The following TXNL4A variants were observed in gnomAD, a reference collection of about 807,000 sequenced individuals.
TXNL4A encodes thioredoxin-like protein 4A.
In TXNL4A, 17 loss-of-function variants were observed where a neutral mutation model predicts 14.6. The ratio of observed to expected loss-of-function variants is 1.16; its 90% CI spans 0.80 to 1.74. The LOEUF (loss-of-function observed/expected upper bound fraction) is 1.74, where lower values mean the gene tolerates loss of function less well. TXNL4A is among the 40% of genes most tolerant of loss of function. The probability of loss-of-function intolerance (pLI) is 0.00; values close to 1 mark genes in which losing one functional copy is unlikely to be tolerated. For missense variants in TXNL4A, 74 were observed against 195.2 expected, an observed-to-expected ratio of 0.38 and a Z score of 3.70; for synonymous variants, 83 against 70.6, an observed-to-expected ratio of 1.18 and a Z score of -0.88.
intron 1 of TXNL4A, among the ~76,000 whole-genome samples, chr18:80,007,002 G>C (rs1165014401): frequency 6.6e-6 from 1 of 152,196 alleles, no homozygotes; most frequent in Non-Finnish European, 1.5e-5. Context: ...CCTCCATGTT[G>C]AACATACTTG....
intron 2 of TXNL4A, chr18:79,977,255 C>G: frequency 3.0e-6 from 1 of 337,898 alleles, no homozygotes; most frequent in Non-Finnish European, 5.4e-6. Context: ...CCACTGTGCC[C>G]GGCCTAAATT....
intron 1 of TXNL4A, among the ~76,000 whole-genome samples, chr18:80,016,623 C>T (rs1284018127): frequency 3.3e-5 from 5 of 152,178 alleles, no homozygotes; most frequent in African/African-American, 1.2e-4. Flanking sequence ...ATAGGGAATC[C>T]TTTCCACATT....
chr18:80,014,611 T>C (rs2051794223), intron 1 of TXNL4A, among the ~76,000 whole-genome samples: 1 of 152,222 alleles, frequency 6.6e-6, no homozygotes, highest in African/African-American at 2.4e-5. Context: ...GCTGCTTTCA[T>C]GGGCTGGCGT....
In TXNL4A at chr18:79,971,717, G is replaced by C. The variant is rs981782706; in HGVS notation, c.*1968C>G. 1 of 152,196 alleles carries C rather than the reference G, an allele frequency of 6.6e-6. No individual in the cohort carries two copies. Among genetic ancestry groups the C allele is most frequent in the African/African-American group, 2.4e-5 (1 of 41,452 alleles). 9.4% of individuals were successfully genotyped at this position (152,196 alleles called of 1,614,324 possible). The stretch of plus-strand genomic sequence containing the variant: ...AGGGCTCCAATTTCTCCACATCCTT[G>C]CAAACGCTTGTTGCGATCTTTTTGT... On this transcript the variant is annotated 3_prime_UTR_variant, in exon 3 of 3. Coordinates refer to ENST00000269601, the MANE Select transcript of TXNL4A (RefSeq NM_006701.5).
At chr18:80,015,355 A>AATTATTATTATTATTATTATT (rs60860228) in intron 1 of TXNL4A, among the ~76,000 whole-genome samples, 175 of 148,478 alleles carry the variant, frequency 1.2e-3, no homozygotes, top group African/African-American at 4.1e-3. Flanking sequence ...TTTTTTAAAA[A>AATTATTATTATTATTATTATT]ATTATTATTA....
Position 79,973,473 on chromosome 18 carries a change from C to G in TXNL4A, c.*212G>C. The G allele has an allele frequency of 2.0e-6, 1 of 496,984 alleles. No individual in the cohort carries two copies. The highest frequency in any genetic ancestry group is 3.4e-6 in the Non-Finnish European group (1 of 294,612). The allele number at this position is 496,984 out of a possible 1,614,324, so 30.8% of individuals were successfully genotyped here. A position where few individuals can be genotyped will look rare whatever the true frequency, so the allele number is the denominator to read the frequency against. ...AACTTTGACTAGGAAAATCAGTAAT[C>G]TATTCATTAAGTTTCCTGAGAACAA... On this transcript the variant is annotated 3_prime_UTR_variant, in exon 3 of 3. Transcript: ENST00000269601.
upstream of TXNL4A, among the ~76,000 whole-genome samples, chr18:79,993,524 T>G (rs965678578): frequency 6.6e-6 from 1 of 152,190 alleles, no homozygotes; most frequent in Non-Finnish European, 1.5e-5. The surrounding 1 kb of genome is among the most constrained non-coding windows in gnomAD (Gnocchi z 4.4). Context: ...TAATTTCTGC[T>G]TACACTTGAG....
chr18:79,986,377 A>C (rs1345941522), intron 1 of TXNL4A, among the ~76,000 whole-genome samples: 1 of 152,196 alleles, frequency 6.6e-6, no homozygotes, highest in African/African-American at 2.4e-5. Context: ...ATTCGCATTA[A>C]AAGTTTATTA....
chr18:80,025,705 G>T (rs746240844), intron 1 of TXNL4A, among the ~76,000 whole-genome samples: 2 of 152,212 alleles, frequency 1.3e-5, no homozygotes, highest in African/African-American at 2.4e-5. Context: ...TTTGAGCTCA[G>T]TATCAGAACC....
At position 79,995,831 on chromosome 18, in the gene TXNL4A, G is replaced by A. The variant is rs190598750; in HGVS notation, c.-60-18130C>T. Among the ~76,000 whole-genome samples, 29 of 152,236 alleles carry A rather than the reference G, an allele frequency of 1.9e-4. No individual in the cohort carries two copies. The East Asian group carries it at 1.9e-3, about 10-fold the overall frequency. ...AAAGACCAGGACAACGGCCGGGCGC[G>A]GTGGCTCACGCCTGTAATCCCAGAA... On this transcript the variant is annotated intron_variant, in intron 1 of 2. Transcript: ENST00000585474.
upstream of TXNL4A, among the ~76,000 whole-genome samples, chr18:79,989,771 G>A (rs2145093206): frequency 6.6e-6 from 1 of 152,186 alleles, no homozygotes; most frequent in South Asian, 2.1e-4. Flanking sequence ...GAGGCCGGCG[G>A]ATCGCCTATG....
At chr18:79,988,924 CT>C (rs943343158), upstream of TXNL4A, among the ~76,000 whole-genome samples, 9 of 152,312 alleles carry the variant, frequency 5.9e-5, no homozygotes, top group African/African-American at 1.9e-4. Context: ...CTTTCTGGTG[CT>C]TGTTTCTGTG....
intron 1 of TXNL4A, among the ~76,000 whole-genome samples, chr18:79,998,992 G>C (rs1479540738): frequency 1.3e-5 from 2 of 152,080 alleles, no homozygotes; most frequent in African/African-American, 4.8e-5. Context: ...TTTGGAGCAG[G>C]ATATGCTGTG....
intron 1 of TXNL4A, among the ~76,000 whole-genome samples, chr18:80,027,471 G>A (rs1225381802): frequency 4.6e-5 from 7 of 152,150 alleles, no homozygotes; most frequent in Non-Finnish European, 1.0e-4. Context: ...CTCAGTTGCA[G>A]ATCTCTGCAG....
chr18:80,014,673 G>C (rs1225493038), intron 1 of TXNL4A, among the ~76,000 whole-genome samples: 1 of 152,142 alleles, frequency 6.6e-6, no homozygotes, highest in Non-Finnish European at 1.5e-5. Context: ...GGTGCAAACT[G>C]TCAGTGGATC....
intron 1 of TXNL4A, among the ~76,000 whole-genome samples, chr18:80,012,930 C>T (rs921450574): frequency 1.3e-5 from 2 of 151,906 alleles, no homozygotes; most frequent in Non-Finnish European, 2.9e-5. Flanking sequence ...CCTCGCCCGT[C>T]ACGCAACGCA....
At chr18:80,012,598 C>T (rs1033635755) in intron 1 of TXNL4A, among the ~76,000 whole-genome samples, 1 of 152,212 alleles carries the variant, frequency 6.6e-6, no homozygotes, top group Non-Finnish European at 1.5e-5. Flanking sequence ...AGGTTGCCTT[C>T]CCTATATCTA....
intron 1 of TXNL4A, among the ~76,000 whole-genome samples, chr18:80,026,915 C>A (rs527480997): frequency 2.0e-5 from 3 of 152,072 alleles, no homozygotes; most frequent in Admixed American, 6.5e-5. Context: ...AATTTAGTAC[C>A]AGTAATGTTA....
chr18:80,024,624 C>A (rs1235764239), intron 1 of TXNL4A, among the ~76,000 whole-genome samples: 1 of 152,178 alleles, frequency 6.6e-6, no homozygotes, highest in African/African-American at 2.4e-5. Context: ...TCTCAGGCAA[C>A]TGAGAATCAC....
Sources: allele counts gnomAD v4.1 joint callset (sites outside exome capture counted in the v4.1 genomes callset), GRCh38; gene constraint gnomAD v4.1.1; non-coding constraint Gnocchi (gnomAD v3.1); transcripts MANE v1.5; gene names NCBI Gene and HGNC (gene_info 2026-07-23, HGNC 2026-07-21).